SRFBP1: variants seen among roughly 807,000 people sequenced by gnomAD.
The protein encoded by SRFBP1 is serum response factor binding protein 1.
A neutral mutation model predicts 45.5 loss-of-function variants in SRFBP1; 47 were observed. The observed-to-expected ratio is 1.03, with a 90% CI of 0.82 to 1.32. SRFBP1 has a LOEUF of 1.32. Among genes scored for constraint, SRFBP1 ranks in the 40% most tolerant of loss-of-function variants. The pLI is 0.00. For missense variants in SRFBP1, 621 were observed against 484.6 expected (o/e 1.28, Z -2.64); for synonymous variants, 203 against 166.3 (o/e 1.22, Z -1.70).
In SRFBP1 at chr5:121,975,188, T is replaced by C. The variant is rs1287150529; in HGVS notation, c.126-127T>C. The C allele has an allele frequency of 4.3e-6, 4 of 928,710 alleles. No individual in the cohort carries two copies. In the African/African-American group the frequency reaches 6.6e-5, roughly 15 times the overall value. 57.5% of individuals were successfully genotyped at this position (928,710 alleles called of 1,614,324 possible). ...AGTGGGGGAAATGGACAGTGTAGGA[T>C]AGTGGCGTGTTTGTTATTTAGAGAT... On this transcript the variant is annotated intron_variant, in intron 2 of 7. Coordinates refer to ENST00000339397, the MANE Select transcript of SRFBP1 (RefSeq NM_152546.3).
At chr5:121,994,006 A>G (rs1435152568) in intron 3 of SRFBP1, among the ~76,000 whole-genome samples, 3 of 152,000 alleles carry the variant, frequency 2.0e-5, no homozygotes, top group Non-Finnish European at 4.4e-5. Context: ...AATTTTTATC[A>G]ATATTCCATG....
At position 122,018,953 on chromosome 5, in the gene SRFBP1, A is replaced by G. The variant is rs142570989; in HGVS notation, c.271-307A>G. Among the ~76,000 whole-genome samples the G allele has an allele frequency of 3.9e-4, 60 of 152,258 alleles. No homozygotes were observed. The East Asian group carries it at 8.5e-3, about 22-fold the overall frequency. ...TTCAAGCTCTTTGATAGTAAAAACT[A>G]TGTTCTTTTTTTGATGTTACACATG... On this transcript the variant is annotated intron_variant, in intron 4 of 7. Transcript: ENST00000339397.
chr5:122,025,645 C>G (rs1459581424), intron 7 of SRFBP1, among the ~76,000 whole-genome samples: 1 of 152,126 alleles, frequency 6.6e-6, no homozygotes, highest in African/African-American at 2.4e-5. Context: ...ATCTCTACAG[C>G]CACTCTTTGA....
At chr5:122,071,505 A>G (rs1754452094) in intron 2 of SRFBP1, among the ~76,000 whole-genome samples, 1 of 152,190 alleles carries the variant, frequency 6.6e-6, no homozygotes, top group African/African-American at 2.4e-5. Context: ...AAATATTCAC[A>G]TCAATAAGTA....
chr5:122,006,311 T>C (rs1006070849), intron 4 of SRFBP1, among the ~76,000 whole-genome samples: 1 of 152,186 alleles, frequency 6.6e-6, no homozygotes, highest in Non-Finnish European at 1.5e-5. Flanking sequence ...TTTCTCTTGC[T>C]ACTTTCAAGA....
chr5:122,006,485 T>G (rs1270874102), intron 4 of SRFBP1, among the ~76,000 whole-genome samples: 1 of 151,554 alleles, frequency 6.6e-6, no homozygotes, highest in Non-Finnish European at 1.5e-5. Context: ...GTAAGCATTC[T>G]GCCCCTTTGT....
intron 2 of SRFBP1, among the ~76,000 whole-genome samples, chr5:122,054,223 G>A (rs1468720145): frequency 6.6e-6 from 1 of 152,206 alleles, no homozygotes; most frequent in Non-Finnish European, 1.5e-5. Context: ...GAGTGTGGTA[G>A]GGGTTTCTGG....
chr5:122,007,544 C>T (rs530950387), intron 4 of SRFBP1, among the ~76,000 whole-genome samples: 1 of 151,958 alleles, frequency 6.6e-6, no homozygotes, highest in Non-Finnish European at 1.5e-5. Flanking sequence ...AGCCTAGAAG[C>T]TGGTGTGCAA....
In SRFBP1 at chr5:122,066,764, C is replaced by T. The variant is rs966311122; in HGVS notation, n.312-8551C>T. 9 of 1,528,672 alleles carry T rather than the reference C, an allele frequency of 5.9e-6. No homozygotes were observed. The highest frequency in any genetic ancestry group is 8.2e-6 in the Non-Finnish European group (9 of 1,103,702). The allele number at this position is 1,528,672 out of a possible 1,614,324, so 94.7% of individuals were successfully genotyped here. A position where few individuals can be genotyped will look rare whatever the true frequency, so the allele number is the denominator to read the frequency against. On this transcript the variant is annotated intron_variant and non_coding_transcript_variant, in intron 2 of 2. Transcript: ENST00000504881. Reference sequence around the variant, plus strand: ...CCTTCTAATACCTAGATTAAGAAGACAAAATAAGACAAATTATTAACCTGA... The same window carrying T: ...CCTTCTAATACCTAGATTAAGAAGATAAAATAAGACAAATTATTAACCTGA...
At chr5:122,070,349 C>CAGATT (rs762716345) in intron 2 of SRFBP1, 63 of 649,320 alleles carry the variant, frequency 9.7e-5, no homozygotes, top group Admixed American at 6.3e-4. Flanking sequence ...TAAAATAAGA[C>CAGATT]AGATTAGATT....
At chr5:122,071,364 C>T (rs1375022845) in intron 2 of SRFBP1, among the ~76,000 whole-genome samples, 1 of 152,126 alleles carries the variant, frequency 6.6e-6, no homozygotes, top group Non-Finnish European at 1.5e-5. Context: ...TTTAGGTAAT[C>T]AAGGTCCAGA....
downstream of SRFBP1, chr5:122,077,017 C>T: frequency 1.2e-6 from 2 of 1,611,610 alleles, no homozygotes; most frequent in African/African-American, 2.7e-5. This position sits in a 1 kb window ranked among gnomAD's most constrained non-coding sequence, Gnocchi z 4.9. Flanking sequence ...CGTCAGCAGG[C>T]GACGGGCGCA....
chr5:121,985,774 C>G (rs1405651372), intron 3 of SRFBP1, among the ~76,000 whole-genome samples: 1 of 151,624 alleles, frequency 6.6e-6, no homozygotes, highest in African/African-American at 2.4e-5. Context: ...GAAGAGTAGA[C>G]AAAGGTTCCT....
At chr5:122,033,481 CTT>C (rs575972641), downstream of SRFBP1, among the ~76,000 whole-genome samples, 1 of 146,484 alleles carries the variant, frequency 6.8e-6, no homozygotes. Context: ...TGTGCTTCTG[CTT>C]TTTTTTTTTG....
intron 4 of SRFBP1, among the ~76,000 whole-genome samples, chr5:122,000,800 A>G (rs564105722): frequency 1.3e-5 from 2 of 152,086 alleles, no homozygotes; most frequent in Admixed American, 1.3e-4. Flanking sequence ...CCAGAAATTC[A>G]CAAGTCTCAA....
At chr5:122,077,936 G>T (rs765159521), downstream of SRFBP1, 12 of 1,500,012 alleles carry the variant, frequency 8.0e-6, no homozygotes, top group East Asian at 1.8e-4. The surrounding 1 kb of genome is among the most constrained non-coding windows in gnomAD (Gnocchi z 4.9). Context: ...GTGCACTAGC[G>T]CGCAGAGCTG....
intron 3 of SRFBP1, among the ~76,000 whole-genome samples, chr5:121,991,055 G>A (rs1277337221): frequency 6.6e-6 from 1 of 152,088 alleles, no homozygotes; most frequent in Admixed American, 6.6e-5. Context: ...TGTATTGTCA[G>A]GTAAGGGACC....
rs190601177 is a variant in SRFBP1 at position 122,050,711 on chromosome 5, A to G, written n.312-24604A>G. On this transcript the variant is annotated intron_variant and non_coding_transcript_variant, in intron 2 of 2. Transcript: ENST00000504881. ...TATCAAAGAACCAAAACCTGGATTC[A>G]TTGATCTTTTTGTATGATTTTTTAA... Among the ~76,000 whole-genome samples, 8 of 152,138 alleles carry G rather than the reference A, an allele frequency of 5.3e-5. No individual in the cohort carries two copies. In the East Asian group the frequency reaches 1.4e-3, roughly 26 times the overall value.
chr5:121,997,384 T>C, intron 4 of SRFBP1, among the ~76,000 whole-genome samples: 1 of 151,438 alleles, frequency 6.6e-6, no homozygotes, highest in Admixed American at 6.6e-5. Context: ...GTCTGATCTT[T>C]GACAAACCTG....
Sources: gnomAD v4.1 joint callset for allele counts (sites outside exome capture counted in the v4.1 genomes callset) on GRCh38, gnomAD v4.1.1 for gene constraint, Gnocchi (gnomAD v3.1) non-coding constraint, MANE v1.5 for transcripts, NCBI Gene and HGNC (gene_info 2026-07-23, HGNC 2026-07-21) for gene names.